Variants in PFKFB3 observed in about 807,000 individuals in gnomAD.
PFKFB3 encodes 6-phosphofructo-2-kinase/fructose-2,6-biphosphatase 3.
A neutral mutation model predicts 68.0 loss-of-function variants in PFKFB3; 33 were observed. That is an observed-to-expected ratio of 0.49 (90% CI 0.37 to 0.65). PFKFB3 has a LOEUF of 0.65. PFKFB3 is among the 30% of genes least tolerant of loss of function. The probability of loss-of-function intolerance (pLI) is 0.00; values close to 1 mark genes in which losing one functional copy is unlikely to be tolerated. For synonymous variants in PFKFB3, 315 were observed against 288.2 expected, an observed-to-expected ratio of 1.09 and a Z score of -0.94; for missense variants, 586 against 712.2, an observed-to-expected ratio of 0.82 and a Z score of 2.02.
At chr10:6,177,656 G>T (rs1182568477) in intron 1 of PFKFB3, among the ~76,000 whole-genome samples, 1 of 151,238 alleles carries the variant, frequency 6.6e-6, no homozygotes, top group African/African-American at 2.4e-5. Flanking sequence ...CTAACAAGTA[G>T]CTGGGATTAC....
At chr10:6,207,106 T>C (rs963318082) in intron 1 of PFKFB3, among the ~76,000 whole-genome samples, 2 of 152,282 alleles carry the variant, frequency 1.3e-5, no homozygotes, top group Admixed American at 6.5e-5. Context: ...GTGGAAGTTG[T>C]AGCGAGCCGA....
chr10:6,302,528 CCT>C, the PFKFB3 span, among the ~76,000 whole-genome samples: 1 of 149,308 alleles, frequency 6.7e-6, no homozygotes, highest in Non-Finnish European at 1.5e-5. Context: ...ATTACAGGTG[CCT>C]GCCACCACAC....
At chr10:6,182,802 G>A (rs7083321) in intron 1 of PFKFB3, among the ~76,000 whole-genome samples, 4 of 152,092 alleles carry the variant, frequency 2.6e-5, no homozygotes. Context: ...AGTGAAGTTC[G>A]CCTTGCAGTC....
At chr10:6,145,339 G>A (rs567142592) in intron 1 of PFKFB3, among the ~76,000 whole-genome samples, 6 of 151,538 alleles carry the variant, frequency 4.0e-5, no homozygotes, top group African/African-American at 1.2e-4. Context: ...CTGCAGCCCC[G>A]CATTGTGCCT....
At position 6,182,068 on chromosome 10, in the gene PFKFB3, A is replaced by G. The variant is rs181450921; in HGVS notation, c.17-31555A>G. ...AAAGATGGGGAAAATGGACAATTTTATGTATGTTTTGCTACAATAAAACAA... is the reference window on the plus strand; with the variant it reads ...AAAGATGGGGAAAATGGACAATTTTGTGTATGTTTTGCTACAATAAAACAA... On this transcript the variant is annotated intron_variant, in intron 1 of 14. Coordinates refer to the PFKFB3 transcript ENST00000379789. Among the ~76,000 whole-genome samples the G allele has an allele frequency of 2.6e-5, 4 of 152,306 alleles. No homozygotes were observed. In the East Asian group the frequency reaches 7.7e-4, roughly 29 times the overall value.
chr10:6,188,096 G>T (rs619505), intron 1 of PFKFB3, among the ~76,000 whole-genome samples: 67,969 of 151,424 alleles, frequency 0.45, 16,453 homozygotes, highest in Non-Finnish European at 0.56. Flanking sequence ...TGTGTCTGAA[G>T]ACAGAGAGAA....
chr10:6,323,879 C>T, the PFKFB3 span, among the ~76,000 whole-genome samples: 47 of 152,234 alleles, frequency 3.1e-4, no homozygotes, highest in Admixed American at 6.5e-4. Flanking sequence ...AGAGGACTAC[C>T]GCGTGATTCC....
At chr10:6,231,359 G>A in intron 14 of PFKFB3, 3 of 1,611,010 alleles carry the variant, frequency 1.9e-6, no homozygotes, top group South Asian at 2.2e-5. Flanking sequence ...CCGCGTCACG[G>A]CATCTGGGTC....
chr10:6,291,249 GA>G, the PFKFB3 span, among the ~76,000 whole-genome samples: 1 of 151,816 alleles, frequency 6.6e-6, no homozygotes, highest in East Asian at 1.9e-4. Flanking sequence ...ATCCACAAAT[GA>G]AAAAAAAGAG....
At chr10:6,167,880 CTG>C (rs1437044963) in intron 1 of PFKFB3, among the ~76,000 whole-genome samples, 3 of 152,212 alleles carry the variant, frequency 2.0e-5, no homozygotes, top group Non-Finnish European at 4.4e-5. Flanking sequence ...CTAAGCGACA[CTG>C]TAGAGAAGGT....
the PFKFB3 span, among the ~76,000 whole-genome samples, chr10:6,290,907 T>C: frequency 6.6e-6 from 1 of 152,232 alleles, no homozygotes; most frequent in Non-Finnish European, 1.5e-5. Flanking sequence ...CTGTCATTAA[T>C]TTTGGAAAAT....
rs1844882863 is a variant in PFKFB3 at position 6,220,575 on chromosome 10, G to A, written c.624-83G>A. 1 of 1,274,374 alleles carries A rather than the reference G, an allele frequency of 7.8e-7. No homozygotes were observed. The highest frequency in any genetic ancestry group is 1.1e-6 in the Non-Finnish European group (1 of 882,068). 78.9% of individuals were successfully genotyped at this position (1,274,374 alleles called of 1,614,324 possible). A position where few individuals can be genotyped will look rare whatever the true frequency, so the allele number is the denominator to read the frequency against. On this transcript the variant is annotated intron_variant, in intron 7 of 14. Coordinates refer to ENST00000379775, the MANE Select transcript of PFKFB3 (RefSeq NM_004566.4). This position sits in a 1 kb window ranked among gnomAD's most constrained non-coding sequence, Gnocchi z 4.1. ...CGGTCCCGCCTTGCTGTTCTCTGGG[G>A]ATCACATCTTCGGAGACGGGCCAGG...
chr10:6,153,706 T>C (rs1841673505), intron 1 of PFKFB3, among the ~76,000 whole-genome samples: 1 of 151,888 alleles, frequency 6.6e-6, no homozygotes, highest in East Asian at 1.9e-4. Flanking sequence ...AATACAAAAA[T>C]TAGCTGGGTG....
chr10:6,151,769 GGA>G (rs1841595398), intron 1 of PFKFB3, among the ~76,000 whole-genome samples: 1 of 152,190 alleles, frequency 6.6e-6, no homozygotes, highest in Non-Finnish European at 1.5e-5. Context: ...GTGAGAAAGA[GGA>G]AGGTCTTGCC....
the PFKFB3 span, among the ~76,000 whole-genome samples, chr10:6,262,403 A>C: frequency 3.8e-4 from 55 of 144,624 alleles, no homozygotes; most frequent in South Asian, 1.6e-3. Context: ...TGCAGTGAGC[A>C]GAGATCACAC....
chr10:6,246,595 G>C (rs1359306524), intron 14 of PFKFB3, among the ~76,000 whole-genome samples: 1 of 151,994 alleles, frequency 6.6e-6, no homozygotes, highest in African/African-American at 2.4e-5. Flanking sequence ...GCCCGCGTCG[G>C]CCTCCCAAAG....
rs564286936 is a variant in PFKFB3 at position 6,247,340 on chromosome 10, TTTAA to T, written c.1516-6835_1516-6832del. ...AGGCTTTGCCTCTGACACAGCCTGA[TTTAA>T]TTGTTGAACAAAGCCCTCTTCTTGT... On this transcript the variant is annotated intron_variant, in intron 14 of 14. Coordinates refer to the PFKFB3 transcript ENST00000640683. Among the ~76,000 whole-genome samples, 10 of 152,346 alleles carry T rather than the reference TTTAA, an allele frequency of 6.6e-5. No individual in the cohort carries two copies. In the South Asian group the frequency reaches 1.9e-3, roughly 28 times the overall value.
At chr10:6,249,072 G>A (rs1002265555) in intron 14 of PFKFB3, among the ~76,000 whole-genome samples, 4 of 151,800 alleles carry the variant, frequency 2.6e-5, no homozygotes, top group Non-Finnish European at 5.9e-5. Flanking sequence ...TACTCAGGAG[G>A]CTGAGGCAGG....
chr10:6,153,317 C>T (rs1306072687), intron 1 of PFKFB3, among the ~76,000 whole-genome samples: 1 of 152,244 alleles, frequency 6.6e-6, no homozygotes, highest in Non-Finnish European at 1.5e-5. Flanking sequence ...GCTCTTCGGT[C>T]CTTTCAGCAG....
Sources: allele counts gnomAD v4.1 joint callset (sites outside exome capture counted in the v4.1 genomes callset), GRCh38; gene constraint gnomAD v4.1.1; non-coding constraint Gnocchi (gnomAD v3.1); transcripts MANE v1.5; gene names NCBI Gene and HGNC (gene_info 2026-07-23, HGNC 2026-07-21).